The following NTM variants were observed in gnomAD, a reference collection of about 807,000 sequenced individuals.
NTM encodes the protein neurotrimin, also known as IgLON family member 2.
In NTM, 13 loss-of-function variants were observed where a neutral mutation model predicts 42.1. That is an observed-to-expected ratio of 0.31 (90% confidence interval 0.20 to 0.49). The LOEUF is 0.49. NTM is among the 20% of genes least tolerant of loss of function. The probability of loss-of-function intolerance (pLI) is 0.99; values close to 1 mark genes in which losing one functional copy is unlikely to be tolerated. For missense variants in NTM, 373 were observed against 452.8 expected (o/e 0.82, Z 1.60); for synonymous variants, 187 against 179.2 (o/e 1.04, Z -0.35).
At chr11:131,693,862 C>A (rs1199172488) in intron 1 of NTM, among the ~76,000 whole-genome samples, 1 of 152,200 alleles carries the variant, frequency 6.6e-6, no homozygotes, top group Admixed American at 6.5e-5. Flanking sequence ...GGAGAAGCTG[C>A]TTTTACAGCC....
chr11:132,001,317 A>G (rs1593576260), intron 2 of NTM, among the ~76,000 whole-genome samples: 1 of 152,368 alleles, frequency 6.6e-6, no homozygotes, highest in Middle Eastern at 3.4e-3. Flanking sequence ...ATTTTCTTGT[A>G]TACATAGGGC....
chr11:131,927,002 G>T (rs572667763), intron 2 of NTM, among the ~76,000 whole-genome samples: 1 of 152,326 alleles, frequency 6.6e-6, no homozygotes, highest in East Asian at 1.9e-4. Flanking sequence ...GATCATGTAT[G>T]GATGTGTGTG....
intron 2 of NTM, among the ~76,000 whole-genome samples, chr11:132,059,606 C>T (rs1180900209): frequency 1.3e-5 from 2 of 152,088 alleles, no homozygotes; most frequent in East Asian, 1.9e-4. Flanking sequence ...GAAACAGAAC[C>T]TCACTACTCA....
intron 1 of NTM, among the ~76,000 whole-genome samples, chr11:131,737,669 T>C (rs894309275): frequency 1.3e-5 from 2 of 152,168 alleles, no homozygotes; most frequent in Non-Finnish European, 2.9e-5. Context: ...CTCTTTCGCC[T>C]TCTTTATGTG....
intron 1 of NTM, among the ~76,000 whole-genome samples, chr11:131,624,050 C>T (rs1409991827): frequency 6.6e-6 from 1 of 152,148 alleles, no homozygotes; most frequent in Admixed American, 6.5e-5. Context: ...GGGGTTTTTG[C>T]CCCAGTCATT....
At chr11:131,506,678 C>T (rs1404025273) in intron 1 of NTM, among the ~76,000 whole-genome samples, 1 of 152,170 alleles carries the variant, frequency 6.6e-6, no homozygotes, top group Admixed American at 6.5e-5. Flanking sequence ...GCCCTAGGGC[C>T]TCAGAGAAGC....
intron 2 of NTM, among the ~76,000 whole-genome samples, chr11:131,980,908 A>G (rs1235100780): frequency 6.6e-6 from 1 of 152,092 alleles, no homozygotes; most frequent in African/African-American, 2.4e-5. Flanking sequence ...TTCAAATCCG[A>G]CTCTATGTTT....
chr11:131,417,986 T>C (rs145118124), intron 1 of NTM, among the ~76,000 whole-genome samples: 25 of 152,304 alleles, frequency 1.6e-4, no homozygotes, highest in African/African-American at 5.5e-4. Context: ...TTTAATGGGA[T>C]TTTTCTCTGA....
At chr11:131,562,307 G>T (rs1032614832) in intron 1 of NTM, among the ~76,000 whole-genome samples, 22 of 152,194 alleles carry the variant, frequency 1.4e-4, no homozygotes, top group Non-Finnish European at 3.1e-4. Flanking sequence ...AACTCTAGAA[G>T]CTACAGAGTT....
At chr11:132,043,275 A>G (rs2077448416) in intron 2 of NTM, among the ~76,000 whole-genome samples, 1 of 152,182 alleles carries the variant, frequency 6.6e-6, no homozygotes, top group Non-Finnish European at 1.5e-5. Context: ...GATTTGACCT[A>G]ATTCTTCATC....
intron 1 of NTM, among the ~76,000 whole-genome samples, chr11:131,518,454 T>C (rs948095530): frequency 6.6e-6 from 1 of 152,200 alleles, no homozygotes; most frequent in Non-Finnish European, 1.5e-5. Flanking sequence ...ATAGAAATTA[T>C]GTTATAAATG....
chr11:131,371,184 C>T lies in NTM; in HGVS notation c.82+296C>T, dbSNP rs562242956. On this transcript the variant is annotated intron_variant, in intron 1 of 8. Transcript: ENST00000683400. ...CTGGCTTCATGCACATTCTTGCACA[C>T]ATACACAACGGAGCACACATGTAAG... is the stretch of plus-strand genomic sequence containing the variant. 34 of 754,916 alleles carry T rather than the reference C, an allele frequency of 4.5e-5. 1 individual carries two copies. In the African/African-American group the frequency reaches 5.3e-4, roughly 12 times the overall value. The allele number at this position is 754,916 out of a possible 1,614,324, so 46.8% of individuals were successfully genotyped here.
At chr11:131,681,349 GTGTA>G (rs2072768496) in intron 1 of NTM, among the ~76,000 whole-genome samples, 1 of 14,468 alleles carries the variant, frequency 6.9e-5, no homozygotes, top group African/African-American at 2.0e-4. Flanking sequence ...CTGTGTCTGT[GTGTA>G]TGTCTCCCTG....
At chr11:132,145,432 C>A (rs1041419360) in intron 2 of NTM, among the ~76,000 whole-genome samples, 2 of 152,162 alleles carry the variant, frequency 1.3e-5, no homozygotes, top group African/African-American at 4.8e-5. Context: ...GGCCATGGAA[C>A]AGACTTGCTG....
intron 4 of NTM, among the ~76,000 whole-genome samples, chr11:132,221,758 G>A (rs965620166): frequency 3.9e-5 from 6 of 152,162 alleles, no homozygotes; most frequent in African/African-American, 1.4e-4. Context: ...TCTCATGGAG[G>A]TCCTAATAAG....
intron 1 of NTM, among the ~76,000 whole-genome samples, chr11:131,797,738 A>G (rs2091728193): frequency 6.6e-6 from 1 of 152,204 alleles, no homozygotes; most frequent in African/African-American, 2.4e-5. Context: ...AATAACAATT[A>G]CTTTAGTATG....
intron 1 of NTM, among the ~76,000 whole-genome samples, chr11:131,478,219 C>A (rs1006500692): frequency 6.6e-6 from 1 of 152,128 alleles, no homozygotes; most frequent in African/African-American, 2.4e-5. Flanking sequence ...ATGGAAACTT[C>A]CTTTATCTTG....
At chr11:131,515,987 T>C (rs952420074) in intron 1 of NTM, among the ~76,000 whole-genome samples, 2 of 152,212 alleles carry the variant, frequency 1.3e-5, no homozygotes, top group Admixed American at 6.5e-5. Flanking sequence ...TTAGAAAATA[T>C]AAACAACTTG....
chr11:131,519,101 C>G (rs1474464344), intron 1 of NTM, among the ~76,000 whole-genome samples: 1 of 152,240 alleles, frequency 6.6e-6, no homozygotes. Flanking sequence ...GCCTCACCTG[C>G]TCTTCTGAAC....
Sources: gnomAD v4.1 joint callset for allele counts (sites outside exome capture counted in the v4.1 genomes callset) on GRCh38, gnomAD v4.1.1 for gene constraint, MANE v1.5 for transcripts, NCBI Gene and HGNC (gene_info 2026-07-23, HGNC 2026-07-21) for gene names.